EPB41L1: variants seen among roughly 807,000 people sequenced by gnomAD.
EPB41L1 encodes band 4.1-like protein 1.
A neutral mutation model predicts 97.8 loss-of-function variants in EPB41L1; 29 were observed. That is an observed-to-expected ratio of 0.30 (90% CI 0.22 to 0.40). The LOEUF (loss-of-function observed/expected upper bound fraction) is 0.40. Among genes scored for constraint, EPB41L1 ranks in the 10% least tolerant of loss-of-function variants. The probability of loss-of-function intolerance (pLI) is 1.00; values close to 1 mark genes in which losing one functional copy is unlikely to be tolerated. For missense variants in EPB41L1, 812 were observed against 1,162.3 expected, an observed-to-expected ratio of 0.70 and a Z score of 4.38; for synonymous variants, 383 against 459.2, an observed-to-expected ratio of 0.83 and a Z score of 2.12.
chr20:36,200,084 G>C (rs2062418866), intron 14 of EPB41L1, among the ~76,000 whole-genome samples: 1 of 152,144 alleles, frequency 6.6e-6, no homozygotes, highest in South Asian at 2.1e-4. Flanking sequence ...TGGCTTACAG[G>C]CCCCCTTGGC....
Position 36,220,034 on chromosome 20 carries a change from C to T in EPB41L1, c.2439+190C>T, listed in dbSNP as rs181238315. 7.8e-4 allele frequency among the ~76,000 whole-genome samples: 119 copies of T among 152,386 alleles called. 1 individual carries two copies. Among genetic ancestry groups the T allele is most frequent in the Admixed American group, 6.6e-3 (101 of 15,310 alleles). On this transcript the variant is annotated intron_variant, in intron 19 of 21. Coordinates refer to ENST00000338074, the MANE Select transcript of EPB41L1 (RefSeq NM_012156.2). ...CTAGGCACGGGCCCTTCCCACACGG[C>T]GTTGACAGCCAGGCTAGGGGGAACA...
intron 1 of EPB41L1, among the ~76,000 whole-genome samples, chr20:36,157,139 G>A (rs1002457614): frequency 9.9e-5 from 15 of 152,110 alleles, no homozygotes; most frequent in East Asian, 3.9e-4. Context: ...CAGGAGAATC[G>A]CCTGACCCCA....
intron 1 of EPB41L1, among the ~76,000 whole-genome samples, chr20:36,173,202 T>C (rs924723641): frequency 6.6e-6 from 1 of 152,240 alleles, no homozygotes; most frequent in Non-Finnish European, 1.5e-5. Flanking sequence ...TTTTTTGTTT[T>C]GTTTTGTTTC....
At chr20:36,109,813 G>A (rs377758634) in intron 1 of EPB41L1, 4 of 152,226 alleles carry the variant, frequency 2.6e-5, no homozygotes, top group East Asian at 3.8e-4. Flanking sequence ...TGCCCCTGTC[G>A]TGGTGGTATT....
intron 1 of EPB41L1, among the ~76,000 whole-genome samples, chr20:36,164,821 G>A (rs560917790): frequency 1.3e-5 from 2 of 152,088 alleles, no homozygotes; most frequent in African/African-American, 4.8e-5. Flanking sequence ...GAGTAGCTGG[G>A]ACTACAGGAG....
Position 36,232,668 on chromosome 20 carries a change from T to G in EPB41L1, c.*3328T>G. ...ACCAATTGCGATGCTGTCCTGTTCC[T>G]TTTTACTCACACCCTTCTCTCCTTT... On this transcript the variant is annotated 3_prime_UTR_variant, in exon 22 of 22. Coordinates refer to ENST00000338074, the MANE Select transcript of EPB41L1 (RefSeq NM_012156.2). 1 of 399,156 alleles carries G rather than the reference T, an allele frequency of 2.5e-6. No homozygotes were observed. 24.7% of individuals were successfully genotyped at this position (399,156 alleles called of 1,614,324 possible).
rs1431711511 is a variant in EPB41L1, at chr20:36,229,760, G to C, written c.*420G>C. On this transcript the variant is annotated 3_prime_UTR_variant, in exon 22 of 22. Coordinates refer to ENST00000338074, the MANE Select transcript of EPB41L1 (RefSeq NM_012156.2). ...TAGAAGTCCCTCCCGCCCTGGTTCT[G>C]CACGTTACAGTTAGCAGACGAGCAA... is the stretch of plus-strand genomic sequence containing the variant. The C allele has an allele frequency of 1.3e-5, 2 of 158,478 alleles. No homozygotes were observed. Among genetic ancestry groups the C allele is most frequent in the East Asian group, 3.6e-4 (2 of 5,600 alleles). The allele number at this position is 158,478 out of a possible 1,614,324, so 9.8% of individuals were successfully genotyped here.
chr20:36,143,536 A>G (rs538004959), intron 2 of EPB41L1, among the ~76,000 whole-genome samples: 1 of 152,302 alleles, frequency 6.6e-6, no homozygotes, highest in African/African-American at 2.4e-5. Context: ...TAAATTAGAT[A>G]CAAAATACAA....
At chr20:36,198,938 G>A (rs941652092) in intron 14 of EPB41L1, among the ~76,000 whole-genome samples, 1 of 152,162 alleles carries the variant, frequency 6.6e-6, no homozygotes, top group Non-Finnish European at 1.5e-5. Flanking sequence ...TCATGGGGAT[G>A]TTGTAAGGAT....
In EPB41L1 at chr20:36,222,273, A is replaced by C; in HGVS notation, c.2521-5A>C. The C allele has an allele frequency of 6.2e-7, 1 of 1,611,848 alleles. No individual in the cohort carries two copies. Among genetic ancestry groups the C allele is most frequent in the Non-Finnish European group, 8.5e-7 (1 of 1,178,004 alleles). On this transcript the variant is annotated splice_polypyrimidine_tract_variant and splice_region_variant and intron_variant, in intron 20 of 21. Coordinates refer to ENST00000338074, the MANE Select transcript of EPB41L1 (RefSeq NM_012156.2). ...GTTCCTTCCTTTGCTGTTCTTTACC[A>C]CCAGGCCCTGGCTTTGGCCATCAAG...
intron 1 of EPB41L1, chr20:36,091,658 G>A (rs1256567599): frequency 6.6e-6 from 1 of 152,218 alleles, no homozygotes; most frequent in African/African-American, 2.4e-5. Flanking sequence ...TTGACTTCCA[G>A]TAAAACCCTG....
chr20:36,126,462 G>T (rs762768676), intron 2 of EPB41L1, among the ~76,000 whole-genome samples: 11 of 151,904 alleles, frequency 7.2e-5, no homozygotes, highest in Non-Finnish European at 1.3e-4. Flanking sequence ...TGCCTCCCGG[G>T]TTCAAGCGAT....
At chr20:36,185,750 G>C (rs1208083512) in intron 7 of EPB41L1, among the ~76,000 whole-genome samples, 1 of 152,162 alleles carries the variant, frequency 6.6e-6, no homozygotes, top group African/African-American at 2.4e-5. Flanking sequence ...TCTAACTAGA[G>C]GATCTCAGGA....
At chr20:36,192,008 C>T (rs6060853) in intron 11 of EPB41L1, among the ~76,000 whole-genome samples, 1 of 152,092 alleles carries the variant, frequency 6.6e-6, no homozygotes, top group South Asian at 2.1e-4. Flanking sequence ...GGCAGATCAC[C>T]TGAGGTCAGG....
chr20:36,164,372 A>G (rs1009770700), intron 1 of EPB41L1, among the ~76,000 whole-genome samples: 2 of 152,212 alleles, frequency 1.3e-5, no homozygotes, highest in African/African-American at 4.8e-5. Context: ...AACATCATTC[A>G]AAACAAGAGA....
At position 36,195,291 on chromosome 20, in the gene EPB41L1, C is replaced by T. The variant is rs770362977; in HGVS notation, c.1450-38C>T. The T allele has an allele frequency of 4.3e-6, 7 of 1,613,686 alleles. No homozygotes were observed. In the African/African-American group the frequency reaches 6.7e-5, roughly 15 times the overall value. On this transcript the variant is annotated intron_variant, in intron 12 of 21. Transcript: ENST00000338074. The surrounding 1 kb of genome is among the most constrained non-coding windows in gnomAD (Gnocchi z 4.6). ...ATCTCTAATCCATCTGCTCTACTGA[C>T]CCTGCTGCTTTCTTTCCCTCCTACC...
chr20:36,214,517 G>A (rs954748494), intron 17 of EPB41L1, 77 bp downstream of exon 17: 97 of 1,229,322 alleles, frequency 7.9e-5, no homozygotes, highest in Middle Eastern at 2.0e-4. Context: ...AGCTAACATC[G>A]CCTGGCTGCT....
chr20:36,126,290 G>A (rs930823466), intron 2 of EPB41L1, among the ~76,000 whole-genome samples: 2 of 151,706 alleles, frequency 1.3e-5, no homozygotes, highest in African/African-American at 4.8e-5. Flanking sequence ...TTTGGAAGCT[G>A]TATTTCAGAG....
At chr20:36,116,286 G>A (rs2058581319) in intron 2 of EPB41L1, among the ~76,000 whole-genome samples, 1 of 152,106 alleles carries the variant, frequency 6.6e-6, no homozygotes, top group Non-Finnish European at 1.5e-5. Flanking sequence ...GAAGAGAGAA[G>A]CAGGGGTAGT....
Sources: gnomAD v4.1 joint callset for allele counts (sites outside exome capture counted in the v4.1 genomes callset) on GRCh38, gnomAD v4.1.1 for gene constraint, Gnocchi (gnomAD v3.1) non-coding constraint, MANE v1.5 for transcripts, NCBI Gene and HGNC (gene_info 2026-07-23, HGNC 2026-07-21) for gene names.